Variants in EGFR observed in about 807,000 individuals in gnomAD.
The protein encoded by EGFR is avian erythroblastic leukemia viral (v-erb-b) oncogene homolog.
In EGFR, 58 loss-of-function variants were observed where a neutral mutation model predicts 143.0. The ratio of observed to expected loss-of-function variants is 0.41; its 90% CI spans 0.33 to 0.50. The LOEUF (loss-of-function observed/expected upper bound fraction) is 0.50. EGFR is among the 20% of genes least tolerant of loss of function. EGFR has a pLI of 0.39. For missense variants in EGFR, 1,307 were observed against 1,579.0 expected (o/e 0.83, Z 2.92); for synonymous variants, 613 against 594.4 (o/e 1.03, Z -0.45).
At chr7:55,153,744 CG>C (rs1785268065) in intron 6 of EGFR, among the ~76,000 whole-genome samples, 1 of 152,070 alleles carries the variant, frequency 6.6e-6, no homozygotes, top group South Asian at 2.1e-4. Flanking sequence ...ATCATCTATA[CG>C]TTAGTAAACA....
intron 1 of EGFR, among the ~76,000 whole-genome samples, chr7:55,128,027 G>T (rs17151952): frequency 0.055 from 8,337 of 152,254 alleles, 306 homozygotes; most frequent in Middle Eastern, 0.16. Context: ...CAAAACAAAG[G>T]CTTCCCATCC....
intron 1 of EGFR, among the ~76,000 whole-genome samples, chr7:55,126,780 T>C (rs1006973662): frequency 2.6e-5 from 4 of 152,242 alleles, no homozygotes; most frequent in African/African-American, 9.6e-5. Flanking sequence ...ATCTAGATTA[T>C]TAGCAAATGC....
chr7:55,165,933 T>C (rs377733167), intron 15 of EGFR, among the ~76,000 whole-genome samples: 22 of 152,210 alleles, frequency 1.4e-4, no homozygotes, highest in East Asian at 7.7e-4. Context: ...ATTCCAGCAC[T>C]TTGGGATTCC....
chr7:55,202,746 C>T, intron 27 of EGFR, 121 bp downstream of exon 27: 1 of 870,926 alleles, frequency 1.1e-6, no homozygotes, highest in East Asian at 2.6e-5. Flanking sequence ...GAAACAGTGG[C>T]AGATTTGCAG....
intron 1 of EGFR, among the ~76,000 whole-genome samples, chr7:55,138,413 T>C (rs1794276999): frequency 6.6e-6 from 1 of 152,238 alleles, no homozygotes; most frequent in Non-Finnish European, 1.5e-5. Context: ...AATCAACTAC[T>C]GAAATACCTA....
chr7:55,074,938 C>T (rs1426445855), intron 1 of EGFR, among the ~76,000 whole-genome samples: 2 of 152,130 alleles, frequency 1.3e-5, no homozygotes, highest in African/African-American at 4.8e-5. Flanking sequence ...AAATCTTTGG[C>T]AAAGGTTACT....
chr7:55,163,662 G>A, intron 13 of EGFR, 71 bp from the exon 14 acceptor site: 12 of 1,329,858 alleles, frequency 9.0e-6, no homozygotes, highest in African/African-American at 1.4e-5. Flanking sequence ...TTGGAATTTT[G>A]AAGAGGTGAT....
chr7:55,141,995 A>G (rs41488147), intron 1 of EGFR, among the ~76,000 whole-genome samples: 1 of 152,220 alleles, frequency 6.6e-6, no homozygotes, highest in African/African-American at 2.4e-5. Flanking sequence ...AATTCAATGC[A>G]TTATAGGGAC....
chr7:55,048,911 TA>T (rs564054849), intron 1 of EGFR, among the ~76,000 whole-genome samples: 334 of 152,280 alleles, frequency 2.2e-3, no homozygotes, highest in African/African-American at 7.7e-3. Flanking sequence ...TCTAAAAGGG[TA>T]ACAGAGCCCA....
At chr7:55,029,081 C>A (rs1787103369) in intron 1 of EGFR, among the ~76,000 whole-genome samples, 1 of 152,142 alleles carries the variant, frequency 6.6e-6, no homozygotes, top group Admixed American at 6.5e-5. Context: ...ATCACTTAAA[C>A]CTGGAAGGCA....
In EGFR at chr7:55,170,344, C is replaced by A. The variant is rs140443314; in HGVS notation, c.1881-831C>A. The A allele has an allele frequency of 9.5e-4, 1,536 of 1,614,184 alleles. 21 individuals carry two copies. In the South Asian group the frequency reaches 0.016, roughly 16 times the overall value. On this transcript the variant is annotated intron_variant, in intron 15 of 27. Coordinates refer to ENST00000275493, the MANE Select transcript of EGFR (RefSeq NM_005228.5). ...GAGTCTCAAAGCCATGTTATTCTGC[C>A]TTTTTAAACTATCATCCTGTAATCA...
chr7:55,019,919 C>T (rs1786434534), intron 1 of EGFR, among the ~76,000 whole-genome samples: 1 of 152,204 alleles, frequency 6.6e-6, no homozygotes, highest in Non-Finnish European at 1.5e-5. Context: ...GAGAGGACCT[C>T]CCCGCCTCCG....
intron 1 of EGFR, among the ~76,000 whole-genome samples, chr7:55,086,393 A>G (rs1450082189): frequency 6.6e-6 from 1 of 152,258 alleles, no homozygotes. Flanking sequence ...GGAAAGACAT[A>G]TCACTTGAGT....
chr7:55,168,253 A>G (rs1263306706), intron 15 of EGFR, among the ~76,000 whole-genome samples: 1 of 152,238 alleles, frequency 6.6e-6, no homozygotes, highest in Non-Finnish European at 1.5e-5. Context: ...TCTGTATAGA[A>G]TAAATGTTTT....
In EGFR at chr7:55,168,938, A is replaced by G. The variant is rs1188587953; in HGVS notation, c.1881-2237A>G. Among the ~76,000 whole-genome samples the G allele has an allele frequency of 3.3e-5, 5 of 151,912 alleles. No homozygotes were observed. In the East Asian group the frequency reaches 7.7e-4, roughly 24 times the overall value. On this transcript the variant is annotated intron_variant, in intron 15 of 27. Transcript: ENST00000275493. Reference sequence around the variant, plus strand: ...GGGATGTATTGCCTTCTCCATTTCTATTGTTAAAGAAACACTTACAGGGGT... The same window carrying G: ...GGGATGTATTGCCTTCTCCATTTCTGTTGTTAAAGAAACACTTACAGGGGT...
rs367909827 is a variant in EGFR, at chr7:55,172,995, G to A, written c.1932G>A (p.Pro644=). The A allele has an allele frequency of 6.1e-5, 99 of 1,614,092 alleles. 2 individuals are homozygous for A. Among genetic ancestry groups the A allele is most frequent in the Admixed American group, 1.2e-4 (7 of 60,014 alleles). Reference sequence around the variant, plus strand: ...CACCTCATTCCAGGCCTAAGATCCCGTCCATCGCCACTGGGATGGTGGGGG... The same window carrying A: ...CACCTCATTCCAGGCCTAAGATCCCATCCATCGCCACTGGGATGGTGGGGG... ...EGCPTNGPKI[P]SIATGMVGAL... is the part of the protein sequence containing the mutation. The change falls in exon 17 of 28, where the codon CCG becomes CCA. Residue 644 remains proline, a synonymous_variant. Transcript: ENST00000275493.
intron 1 of EGFR, among the ~76,000 whole-genome samples, chr7:55,077,651 T>C (rs2128887762): frequency 6.6e-6 from 1 of 152,184 alleles, no homozygotes; most frequent in South Asian, 2.1e-4. Flanking sequence ...GGGCAGCTGC[T>C]TGCACCGAAA....
Position 55,202,660 on chromosome 7 carries a change from A to G in EGFR, c.3271+35A>G, listed in dbSNP as rs1031827203. ...TTGTCTGGAAACAGTCCTGCTCCTC[A>G]ACCTCCTCGACCCACTCAGCAGCAG... On this transcript the variant is annotated intron_variant, in intron 27 of 27. Transcript: ENST00000275493. 8 of 1,572,366 alleles carry G rather than the reference A, an allele frequency of 5.1e-6. No homozygotes were observed. The African/African-American group carries it at 6.8e-5, about 13-fold the overall frequency.
chr7:55,081,731 T>A (rs111824410), intron 1 of EGFR, among the ~76,000 whole-genome samples: 1 of 151,394 alleles, frequency 6.6e-6, no homozygotes, highest in South Asian at 2.1e-4. Flanking sequence ...TTTTTTTTTT[T>A]TTATTTGCAA....
Sources: gnomAD v4.1 joint callset for allele counts (sites outside exome capture counted in the v4.1 genomes callset) on GRCh38, gnomAD v4.1.1 for gene constraint, MANE v1.5 for transcripts, NCBI Gene and HGNC (gene_info 2026-07-23, HGNC 2026-07-21) for gene names.